CPNE4: variants seen among roughly 807,000 people sequenced by gnomAD.
The protein encoded by CPNE4 is copine 4, also known as copine-4.
A neutral mutation model predicts 67.9 loss-of-function variants in CPNE4; 25 were observed. The observed-to-expected ratio is 0.37, with a 90% CI of 0.27 to 0.51. The LOEUF (loss-of-function observed/expected upper bound fraction) is 0.51, where lower values mean the gene tolerates loss of function less well. CPNE4 is among the 20% of genes least tolerant of loss of function. CPNE4 has a pLI of 0.93. For missense variants in CPNE4, 464 were observed against 690.8 expected (o/e 0.67, Z 3.68); for synonymous variants, 242 against 244.9 (o/e 0.99, Z 0.11).
chr3:131,623,953 A>G, intron 7 of CPNE4, among the ~76,000 whole-genome samples: 1 of 152,158 alleles, frequency 6.6e-6, no homozygotes, highest in East Asian at 1.9e-4. Context: ...TAAAACATAA[A>G]GAGAGTATAG....
chr3:131,704,415 C>T (rs1360053158), intron 3 of CPNE4, among the ~76,000 whole-genome samples: 2 of 152,202 alleles, frequency 1.3e-5, no homozygotes, highest in African/African-American at 4.8e-5. Flanking sequence ...TGAGGGCTGA[C>T]ACTGGGTGTT....
At chr3:131,757,451 G>A (rs947757121) in intron 2 of CPNE4, among the ~76,000 whole-genome samples, 1 of 152,126 alleles carries the variant, frequency 6.6e-6, no homozygotes, top group East Asian at 1.9e-4. Flanking sequence ...GATGATTTAG[G>A]TATCTGTAAG....
intron 1 of CPNE4, among the ~76,000 whole-genome samples, chr3:132,031,600 C>T (rs551075272): frequency 5.3e-5 from 8 of 152,162 alleles, no homozygotes; most frequent in South Asian, 2.1e-4. Flanking sequence ...ACAACACTGA[C>T]GGCTCATCTT....
intron 1 of CPNE4, among the ~76,000 whole-genome samples, chr3:132,017,976 C>T (rs1208693449): frequency 6.6e-6 from 1 of 152,048 alleles, no homozygotes; most frequent in Non-Finnish European, 1.5e-5. Flanking sequence ...TCCACCCACC[C>T]CTAAAGACCC....
chr3:131,976,272 T>A (rs576432863), intron 1 of CPNE4, among the ~76,000 whole-genome samples: 33 of 152,004 alleles, frequency 2.2e-4, no homozygotes, highest in Middle Eastern at 3.4e-3. Context: ...ATTTTTTTTT[T>A]AATACTTAGA....
At chr3:131,748,892 A>T (rs2107793205) in intron 2 of CPNE4, among the ~76,000 whole-genome samples, 1 of 27,146 alleles carries the variant, frequency 3.7e-5, no homozygotes, top group African/African-American at 7.9e-5. Flanking sequence ...TGCCAATTTT[A>T]TTGATTTTTT....
chr3:131,609,482 G>A (rs1939700918), intron 7 of CPNE4, among the ~76,000 whole-genome samples: 1 of 152,124 alleles, frequency 6.6e-6, no homozygotes, highest in Admixed American at 6.6e-5. Context: ...TGAGACTTTA[G>A]GCTTTAGAAG....
chr3:131,673,775 T>C lies in CPNE4; in HGVS notation c.592-4011A>G, dbSNP rs540526905. 2.0e-5 allele frequency among the ~76,000 whole-genome samples: 3 copies of C among 152,202 alleles called. No individual in the cohort carries two copies. The South Asian group carries it at 6.2e-4, about 32-fold the overall frequency. ...ATCTGCAAACAAGTATAAATTGACT[T>C]CTTCCTTTTCAATTTGAATGCCCTT... On this transcript the variant is annotated intron_variant, in intron 6 of 15. Transcript: ENST00000429747.
rs1336638241 is a variant in CPNE4, at chr3:131,867,458, GAC to G, written c.180+37804_180+37805del. Among the ~76,000 whole-genome samples, 3 of 152,272 alleles carry G rather than the reference GAC, an allele frequency of 2.0e-5. No homozygotes were observed. The East Asian group carries it at 5.8e-4, about 29-fold the overall frequency. ...TTAATTCTATGATTAAGAAGGAAAGGACACAGAGGCAATGTTGAATGAGCCAC... is the reference window on the plus strand; with the variant it reads ...TTAATTCTATGATTAAGAAGGAAAGGACAGAGGCAATGTTGAATGAGCCAC... On this transcript the variant is annotated intron_variant, in intron 2 of 15. Coordinates refer to ENST00000429747, the MANE Select transcript of CPNE4 (RefSeq NM_130808.3).
intron 2 of CPNE4, among the ~76,000 whole-genome samples, chr3:131,744,601 CTT>C (rs2082440915): frequency 6.6e-6 from 1 of 152,208 alleles, no homozygotes; most frequent in Non-Finnish European, 1.5e-5. Context: ...CCTTCACCTA[CTT>C]CTAAACTGCT....
intron 2 of CPNE4, among the ~76,000 whole-genome samples, chr3:131,873,857 C>T (rs2087322104): frequency 6.6e-6 from 1 of 152,128 alleles, no homozygotes; most frequent in Non-Finnish European, 1.5e-5. Context: ...ACTACCTGTC[C>T]TCTTGTCTCC....
intron 3 of CPNE4, among the ~76,000 whole-genome samples, chr3:131,715,354 A>C (rs1469118599): frequency 2.0e-5 from 3 of 152,232 alleles, no homozygotes; most frequent in African/African-American, 7.2e-5. Context: ...TTAAGAAGAA[A>C]CAAGACACCA....
intron 1 of CPNE4, among the ~76,000 whole-genome samples, chr3:131,952,447 C>G (rs1242479305): frequency 1.3e-5 from 2 of 150,150 alleles, no homozygotes; most frequent in African/African-American, 4.9e-5. Context: ...CTCCGCCCAG[C>G]AGCCACCCCG....
chr3:131,739,532 T>A (rs985740363), intron 2 of CPNE4, among the ~76,000 whole-genome samples: 3 of 152,194 alleles, frequency 2.0e-5, no homozygotes, highest in Admixed American at 2.0e-4. Flanking sequence ...CCATACCTGA[T>A]TAAAACAAAT....
intron 2 of CPNE4, among the ~76,000 whole-genome samples, chr3:131,747,700 G>A (rs1255858495): frequency 1.3e-5 from 2 of 152,094 alleles, no homozygotes; most frequent in Admixed American, 1.3e-4. Flanking sequence ...TTGGTGTATA[G>A]AAATGCAACT....
In CPNE4 at chr3:131,726,719, G is replaced by C. The variant is rs187197162; in HGVS notation, c.181-3094C>G. ...CTACCAGCTGCATCCTAATCAACTG[G>C]GGGGGGCGGGGGGGCTTTCTTTAAA... On this transcript the variant is annotated intron_variant, in intron 2 of 15. Coordinates refer to ENST00000429747, the MANE Select transcript of CPNE4 (RefSeq NM_130808.3). Among the ~76,000 whole-genome samples the C allele has an allele frequency of 1.3e-4, 18 of 135,316 alleles. No individual in the cohort carries two copies. The East Asian group carries it at 2.2e-3, about 16-fold the overall frequency. The allele number at this position is 135,316 out of a possible 152,430, so 88.8% of individuals were successfully genotyped here. A position where few individuals can be genotyped will look rare whatever the true frequency, so the allele number is the denominator to read the frequency against.
chr3:131,544,225 C>G (rs1458330810), intron 14 of CPNE4, among the ~76,000 whole-genome samples: 1 of 152,102 alleles, frequency 6.6e-6, no homozygotes, highest in African/African-American at 2.4e-5. Context: ...TCCACGTTAC[C>G]ATACTTCAAA....
At chr3:131,911,366 A>C (rs1163969496) in intron 1 of CPNE4, among the ~76,000 whole-genome samples, 1 of 152,164 alleles carries the variant, frequency 6.6e-6, no homozygotes, top group Non-Finnish European at 1.5e-5. Flanking sequence ...TGACACCTCG[A>C]TTGCAGACTT....
At chr3:131,754,879 T>G (rs2082716522) in intron 2 of CPNE4, among the ~76,000 whole-genome samples, 1 of 152,192 alleles carries the variant, frequency 6.6e-6, no homozygotes, top group Admixed American at 6.5e-5. Context: ...TATCTTTAAG[T>G]AATTTATGTT....
Sources: allele counts gnomAD v4.1 joint callset (sites outside exome capture counted in the v4.1 genomes callset), GRCh38; gene constraint gnomAD v4.1.1; transcripts MANE v1.5; gene names NCBI Gene and HGNC (gene_info 2026-07-23, HGNC 2026-07-21).